Variants in MARCHF1 observed in about 807,000 individuals in gnomAD.
MARCHF1 encodes membrane associated ring-CH-type finger 1.
In MARCHF1, 40 loss-of-function variants were observed where a neutral mutation model predicts 54.2. That is an observed-to-expected ratio of 0.74 (90% CI 0.57 to 0.96). The LOEUF is 0.96. Among genes scored for constraint, MARCHF1 ranks in the 40% least tolerant of loss-of-function variants. MARCHF1 has a pLI of 0.00. For synonymous variants in MARCHF1, 236 were observed against 236.3 expected (o/e 1.00, Z 0.01); for missense variants, 586 against 656.5 (o/e 0.89, Z 1.17).
At chr4:163,868,960 T>C (rs1198439809) in intron 3 of MARCHF1, among the ~76,000 whole-genome samples, 17 of 151,306 alleles carry the variant, frequency 1.1e-4, no homozygotes, top group Non-Finnish European at 2.5e-4. Flanking sequence ...GCAATATTCC[T>C]GATGGCACTA....
intron 1 of MARCHF1, among the ~76,000 whole-genome samples, chr4:164,342,766 A>AAC (rs1729967248): frequency 1.3e-5 from 2 of 151,854 alleles, no homozygotes; most frequent in Non-Finnish European, 2.9e-5. Flanking sequence ...TATATACGCA[A>AAC]ACACACACAC....
intron 3 of MARCHF1, among the ~76,000 whole-genome samples, chr4:163,865,502 T>C (rs1343159352): frequency 1.3e-5 from 2 of 151,752 alleles, no homozygotes; most frequent in African/African-American, 4.8e-5. Flanking sequence ...ATTTCTAAAA[T>C]ACAGTTTTTA....
intron 3 of MARCHF1, among the ~76,000 whole-genome samples, chr4:163,919,881 C>A (rs1751385694): frequency 6.6e-6 from 1 of 152,186 alleles, no homozygotes; most frequent in South Asian, 2.1e-4. Flanking sequence ...TACCATTCTA[C>A]AAGAAAGTAT....
At chr4:164,209,430 A>C (rs544172614) in intron 1 of MARCHF1, among the ~76,000 whole-genome samples, 2 of 152,300 alleles carry the variant, frequency 1.3e-5, no homozygotes, top group East Asian at 3.9e-4. Context: ...GCCAGAACTT[A>C]GTCATACTTA....
At chr4:164,368,521 C>T (rs1730943775) in intron 1 of MARCHF1, among the ~76,000 whole-genome samples, 1 of 151,932 alleles carries the variant, frequency 6.6e-6, no homozygotes. Context: ...GCTAATATAA[C>T]CTTATTATCA....
chr4:164,365,432 T>C (rs779912622), intron 1 of MARCHF1, among the ~76,000 whole-genome samples: 123 of 152,054 alleles, frequency 8.1e-4, no homozygotes, highest in Non-Finnish European at 1.4e-3. Context: ...CAGAGAAAAA[T>C]CGTAAGGTAA....
chr4:163,905,202 T>C (rs1280680631), intron 3 of MARCHF1, among the ~76,000 whole-genome samples: 1 of 152,024 alleles, frequency 6.6e-6, no homozygotes, highest in Non-Finnish European at 1.5e-5. Flanking sequence ...GTATTATACT[T>C]TAATTTTGAG....
chr4:164,041,298 A>G (rs1754123743), intron 2 of MARCHF1, among the ~76,000 whole-genome samples: 1 of 152,142 alleles, frequency 6.6e-6, no homozygotes, highest in African/African-American at 2.4e-5. Context: ...ACCAATATCT[A>G]TCAGAAATAT....
intron 5 of MARCHF1, among the ~76,000 whole-genome samples, chr4:163,699,234 A>C (rs2111225498): frequency 6.6e-6 from 1 of 152,088 alleles, no homozygotes; most frequent in East Asian, 2.0e-4. Context: ...ACATCTCTGC[A>C]TGTCTTGCAA....
intron 4 of MARCHF1, among the ~76,000 whole-genome samples, chr4:163,850,797 AGT>A (rs1254049701): frequency 6.6e-6 from 1 of 152,204 alleles, no homozygotes; most frequent in African/African-American, 2.4e-5. Context: ...AAACTTTAAT[AGT>A]GTGTGTTGAC....
At chr4:163,923,396 A>G (rs929817801) in intron 3 of MARCHF1, among the ~76,000 whole-genome samples, 2 of 152,090 alleles carry the variant, frequency 1.3e-5, no homozygotes, top group African/African-American at 4.8e-5. Flanking sequence ...TTTCCTTTCT[A>G]CATGTTAACA....
intron 1 of MARCHF1, among the ~76,000 whole-genome samples, chr4:164,150,212 C>T (rs1163865484): frequency 6.6e-6 from 1 of 152,050 alleles, no homozygotes; most frequent in Non-Finnish European, 1.5e-5. Flanking sequence ...TTAGAGTTTA[C>T]CTGGAGAGAT....
chr4:163,598,385 C>T (rs754487059), intron 7 of MARCHF1, among the ~76,000 whole-genome samples: 6 of 152,172 alleles, frequency 3.9e-5, no homozygotes, highest in African/African-American at 9.7e-5. Flanking sequence ...TCACGCCATG[C>T]GTCCCTTAAT....
chr4:164,131,807 G>A (rs1304108829), intron 1 of MARCHF1, among the ~76,000 whole-genome samples: 1 of 151,974 alleles, frequency 6.6e-6, no homozygotes, highest in Non-Finnish European at 1.5e-5. Flanking sequence ...GAATTAATTA[G>A]CTTTACATAA....
intron 2 of MARCHF1, among the ~76,000 whole-genome samples, chr4:164,108,465 A>C (rs1462138779): frequency 6.6e-6 from 1 of 152,000 alleles, no homozygotes; most frequent in Non-Finnish European, 1.5e-5. Flanking sequence ...CATGCAAAGG[A>C]TCAGTTTAAG....
chr4:163,535,385 C>T (rs1007659391), intron 9 of MARCHF1, among the ~76,000 whole-genome samples: 24 of 152,078 alleles, frequency 1.6e-4, no homozygotes, highest in African/African-American at 5.3e-4. Context: ...CCCTTCTTCT[C>T]CCCCTTTTGC....
At chr4:164,090,360 G>A (rs1248111195) in intron 2 of MARCHF1, among the ~76,000 whole-genome samples, 5 of 151,818 alleles carry the variant, frequency 3.3e-5, no homozygotes, top group Non-Finnish European at 5.9e-5. Flanking sequence ...TTCTACTTCT[G>A]TGAATTATTC....
At chr4:164,221,890 T>C (rs1321027743) in intron 1 of MARCHF1, among the ~76,000 whole-genome samples, 2 of 151,976 alleles carry the variant, frequency 1.3e-5, no homozygotes, top group Admixed American at 6.6e-5. Flanking sequence ...GAGCTTACCA[T>C]GCCTAGTTTG....
At chr4:164,177,441 A>G (rs1033486583) in intron 1 of MARCHF1, among the ~76,000 whole-genome samples, 1 of 152,160 alleles carries the variant, frequency 6.6e-6, no homozygotes, top group Non-Finnish European at 1.5e-5. Flanking sequence ...GGAGAATTGC[A>G]TGGCTTGTGA....
Sources: gnomAD v4.1 joint callset for allele counts (sites outside exome capture counted in the v4.1 genomes callset) on GRCh38, gnomAD v4.1.1 for gene constraint, MANE v1.5 for transcripts, NCBI Gene and HGNC (gene_info 2026-07-23, HGNC 2026-07-21) for gene names.